KANK4: variants seen among roughly 807,000 people sequenced by gnomAD.
KANK4 encodes KN motif and ankyrin repeat domains 4.
A neutral mutation model predicts 80.8 loss-of-function variants in KANK4; 50 were observed. The observed-to-expected ratio is 0.62, with a 90% CI of 0.49 to 0.78. The LOEUF is 0.78. Ranked by LOEUF, KANK4 falls within the 30% of genes least tolerant of loss-of-function variation. The pLI is 0.00. For synonymous variants in KANK4, 465 were observed against 506.9 expected (o/e 0.92, Z 1.11); for missense variants, 1,196 against 1,240.1 (o/e 0.96, Z 0.53).
intron 5 of KANK4, 79 bp downstream of exon 5, chr1:62,268,208 T>C: frequency 9.0e-7 from 1 of 1,114,394 alleles, no homozygotes; most frequent in African/African-American, 1.5e-5. Flanking sequence ...AATGAACAAA[T>C]GATCGCATGA....
intron 8 of KANK4, among the ~76,000 whole-genome samples, chr1:62,250,120 T>C (rs1671577625): frequency 6.6e-6 from 1 of 152,110 alleles, no homozygotes; most frequent in African/African-American, 2.4e-5. Flanking sequence ...CCCAAGTAGC[T>C]GGGAATACAG....
rs1672222009 is a variant in KANK4 at position 62,273,584 on chromosome 1, T to A, written c.1520A>T (p.Glu507Val). ...TELRIEEAGTEQEGGPQGGTR... is the reference protein window; with the variant it reads ...TELRIEEAGTVQEGGPQGGTR... ...TCCTCCCTGAGGGCCTCCTTCCTGT[T>A]CAGTGCCTGCTTCTTCAATCCTGAG... The change falls in exon 3 of 10, where the codon GAA (glutamate) becomes GTA (valine). Residue 507 changes from glutamate to valine, a missense_variant. Physicochemically the swap from Glu to Val is moderately radical, Grantham distance 121. Transcript: ENST00000371153. 6.2e-7 allele frequency: 1 copy of A among 1,614,010 alleles called. No individual in the cohort carries two copies. Among genetic ancestry groups the A allele is most frequent in the Admixed American group, 1.7e-5 (1 of 60,002 alleles).
At chr1:62,278,660 G>A (rs1029128830) in intron 2 of KANK4, among the ~76,000 whole-genome samples, 4 of 151,908 alleles carry the variant, frequency 2.6e-5, no homozygotes, top group African/African-American at 9.7e-5. Context: ...CTCCCAAAGT[G>A]CTGGGATTAC....
At chr1:62,261,440 G>A (rs1230911439) in intron 7 of KANK4, among the ~76,000 whole-genome samples, 3 of 151,738 alleles carry the variant, frequency 2.0e-5, no homozygotes, top group Middle Eastern at 3.2e-3. Flanking sequence ...GATTACAGGC[G>A]TGAGCCACCA....
chr1:62,311,666 C>T (rs144177990), intron 1 of KANK4, among the ~76,000 whole-genome samples: 25 of 152,258 alleles, frequency 1.6e-4, no homozygotes, highest in African/African-American at 5.3e-4. Context: ...ATCATCATTG[C>T]GCGCTAGGTG....
In KANK4 at chr1:62,247,017, T is replaced by C. The variant is rs190943219; in HGVS notation, c.2883+455A>G. On this transcript the variant is annotated intron_variant, in intron 9 of 9. Coordinates refer to ENST00000371153, the MANE Select transcript of KANK4 (RefSeq NM_181712.5). ...CTCAGGTGATCGACCTGCCTCAGCCTCCCAAAGTGCTGGGATTACAGGTGT... is the reference window on the plus strand; with the variant it reads ...CTCAGGTGATCGACCTGCCTCAGCCCCCCAAAGTGCTGGGATTACAGGTGT... Among the ~76,000 whole-genome samples, 1,244 of 151,972 alleles carry C rather than the reference T, an allele frequency of 8.2e-3. 10 individuals are homozygous for C. Among genetic ancestry groups the C allele is most frequent in the Non-Finnish European group, 0.012 (828 of 67,976 alleles).
chr1:62,253,469 A>G lies in KANK4; in HGVS notation c.2540-260T>C, dbSNP rs6691288. On this transcript the variant is annotated intron_variant, in intron 7 of 9. Coordinates refer to ENST00000371153, the MANE Select transcript of KANK4 (RefSeq NM_181712.5). Reference sequence around the variant, plus strand: ...CTGTCACCCAGGCTGGAGTGCAGTGACTCAATCCCGTCTCACTGCAACCTC... The same window carrying G: ...CTGTCACCCAGGCTGGAGTGCAGTGGCTCAATCCCGTCTCACTGCAACCTC... Among the ~76,000 whole-genome samples, 11,315 of 127,314 alleles carry G rather than the reference A, an allele frequency of 0.089. 471 individuals carry two copies. The highest frequency in any genetic ancestry group is 0.12 in the Middle Eastern group (23 of 188). The allele number at this position is 127,314 out of a possible 152,430, so 83.5% of individuals were successfully genotyped here.
intron 1 of KANK4, among the ~76,000 whole-genome samples, chr1:62,304,945 T>C: frequency 6.6e-6 from 1 of 152,002 alleles, no homozygotes; most frequent in Admixed American, 6.5e-5. Flanking sequence ...GAGGGTTCAA[T>C]GAGATAATGG....
chr1:62,313,822 A>T (rs1644517403), intron 1 of KANK4, among the ~76,000 whole-genome samples: 1 of 152,160 alleles, frequency 6.6e-6, no homozygotes, highest in South Asian at 2.1e-4. Context: ...CCTACGTAAC[A>T]AACCTGCACG....
intron 9 of KANK4, among the ~76,000 whole-genome samples, chr1:62,247,151 A>T (rs1455746918): frequency 6.6e-6 from 1 of 151,980 alleles, no homozygotes; most frequent in Non-Finnish European, 1.5e-5. Context: ...TTGGCCTCTG[A>T]AAGTGTTGGG....
chr1:62,256,634 C>T (rs1213227672), intron 7 of KANK4, among the ~76,000 whole-genome samples: 1 of 152,162 alleles, frequency 6.6e-6, no homozygotes, highest in African/African-American at 2.4e-5. Context: ...CCGCGCACCT[C>T]GGCCTCCCAA....
At chr1:62,293,158 G>T (rs1483528456) in intron 1 of KANK4, among the ~76,000 whole-genome samples, 2 of 151,598 alleles carry the variant, frequency 1.3e-5, no homozygotes, top group African/African-American at 4.8e-5. Flanking sequence ...CACAATCTCG[G>T]CTCACTGCAA....
At position 62,274,631 on chromosome 1, in the gene KANK4, T is replaced by G. The variant is rs1241347410; in HGVS notation, c.473A>C (p.Gln158Pro). 1.2e-6 allele frequency: 2 copies of G among 1,614,160 alleles called. No individual in the cohort carries two copies. Among genetic ancestry groups the G allele is most frequent in the African/African-American group, 2.7e-5 (2 of 75,052 alleles). ...AGGCATGCTGGATGCTCTCAAGAGCTGGGGCCGTCCACTCCCAAAAGTGAG... is the reference window on the plus strand; with the variant it reads ...AGGCATGCTGGATGCTCTCAAGAGCGGGGGCCGTCCACTCCCAAAAGTGAG... ...AELTFGSGRP[Q>P]LLRASSMPAT... The change falls in exon 3 of 10, where the codon CAG becomes CCG. Residue 158 changes from glutamine to proline, a missense_variant. Gln to Pro is a moderately conservative substitution (Grantham distance 76). This residue lies in a region of KANK4 where 1,154 missense variants were observed against 1,179.6 expected (regional missense o/e 0.98). Coordinates refer to ENST00000371153, the MANE Select transcript of KANK4 (RefSeq NM_181712.5).
intron 8 of KANK4, among the ~76,000 whole-genome samples, chr1:62,249,043 G>A (rs1362167683): frequency 2.0e-5 from 3 of 149,624 alleles, no homozygotes; most frequent in Admixed American, 6.6e-5. Flanking sequence ...GTATGGTGGC[G>A]GGCGCCTGCT....
intron 9 of KANK4, among the ~76,000 whole-genome samples, chr1:62,239,011 G>T (rs1006600467): frequency 6.6e-6 from 1 of 151,310 alleles, no homozygotes; most frequent in Non-Finnish European, 1.5e-5. Flanking sequence ...GTGAAAGTTC[G>T]CATTTTGGTG....
intron 1 of KANK4, among the ~76,000 whole-genome samples, chr1:62,304,035 C>T (rs1488751250): frequency 2.0e-5 from 3 of 151,722 alleles, no homozygotes; most frequent in Non-Finnish European, 2.9e-5. Flanking sequence ...CACCATGCCT[C>T]GCTAATTTTT....
At chr1:62,242,503 G>A (rs1671368948) in intron 9 of KANK4, among the ~76,000 whole-genome samples, 2 of 151,350 alleles carry the variant, frequency 1.3e-5, no homozygotes, top group African/African-American at 4.9e-5. Context: ...ACCCAAAGAT[G>A]AGCAAGGCAT....
intron 1 of KANK4, among the ~76,000 whole-genome samples, chr1:62,286,189 C>T (rs751020283): frequency 2.6e-5 from 4 of 152,242 alleles, no homozygotes; most frequent in South Asian, 2.1e-4. Context: ...GAACGCTGTG[C>T]CCACATTACC....
At chr1:62,255,791 G>C (rs993964920) in intron 7 of KANK4, among the ~76,000 whole-genome samples, 1 of 152,174 alleles carries the variant, frequency 6.6e-6, no homozygotes, top group Non-Finnish European at 1.5e-5. Context: ...TGGGACTACA[G>C]GTGCATGTCA....
Sources: gnomAD v4.1 joint callset for allele counts (sites outside exome capture counted in the v4.1 genomes callset) on GRCh38, gnomAD v4.1.1 for gene constraint, gnomAD v4.1.1 regional missense constraint, MANE v1.5 for transcripts, NCBI Gene and HGNC (gene_info 2026-07-23, HGNC 2026-07-21) for gene names.